CPNE4: variants seen among roughly 807,000 people sequenced by gnomAD.
CPNE4 encodes the protein copine-4.
In CPNE4, 25 loss-of-function variants were observed where a neutral mutation model predicts 67.9. The ratio of observed to expected loss-of-function variants is 0.37; its 90% CI spans 0.27 to 0.51. The LOEUF (loss-of-function observed/expected upper bound fraction) is 0.51, where lower values mean the gene tolerates loss of function less well. Ranked by LOEUF, CPNE4 falls within the 20% of genes least tolerant of loss-of-function variation. CPNE4 has a pLI of 0.93. For missense variants in CPNE4, 464 were observed against 690.8 expected (o/e 0.67, Z 3.68); for synonymous variants, 242 against 244.9 (o/e 0.99, Z 0.11).
chr3:131,823,337 A>T (rs1183057456), intron 2 of CPNE4, among the ~76,000 whole-genome samples: 1 of 152,188 alleles, frequency 6.6e-6, no homozygotes, highest in Non-Finnish European at 1.5e-5. Context: ...AGGTTAGCAA[A>T]TTGCCCAAGG....
At chr3:132,009,707 TTTC>T (rs1358227258) in intron 1 of CPNE4, among the ~76,000 whole-genome samples, 2 of 152,182 alleles carry the variant, frequency 1.3e-5, no homozygotes, top group African/African-American at 2.4e-5. Flanking sequence ...TATGCAGAGA[TTTC>T]TTCTTTAGTG....
chr3:131,825,616 G>A (rs1408167847), intron 2 of CPNE4, among the ~76,000 whole-genome samples: 1 of 152,114 alleles, frequency 6.6e-6, no homozygotes, highest in Non-Finnish European at 1.5e-5. Context: ...AAAAAGAGAA[G>A]GGTCGAGGAT....
intron 3 of CPNE4, among the ~76,000 whole-genome samples, chr3:131,713,130 T>TA (rs1351042613): frequency 2.6e-5 from 4 of 151,758 alleles, no homozygotes; most frequent in Non-Finnish European, 5.9e-5. Context: ...TGTAGCTGTT[T>TA]TTTTTTTAGC....
intron 2 of CPNE4, among the ~76,000 whole-genome samples, chr3:131,733,936 C>T (rs2082181623): frequency 6.6e-6 from 1 of 152,198 alleles, no homozygotes; most frequent in East Asian, 1.9e-4. Context: ...CAGCAGCCAG[C>T]AGATTGGGAA....
At position 131,560,887 on chromosome 3, in the gene CPNE4, C is replaced by T. The variant is rs559733770; in HGVS notation, c.1061+3329G>A. Reference sequence around the variant, plus strand: ...GGTATCGTCACATTTTAAGGCTTTTCGAATGGCTTCAATGTACAGCCAAGG... The same window carrying T: ...GGTATCGTCACATTTTAAGGCTTTTTGAATGGCTTCAATGTACAGCCAAGG... On this transcript the variant is annotated intron_variant, in intron 11 of 15. Transcript: ENST00000429747. Among the ~76,000 whole-genome samples, 64 of 152,100 alleles carry T rather than the reference C, an allele frequency of 4.2e-4. No homozygotes were observed. The South Asian group carries it at 0.012, about 28-fold the overall frequency.
chr3:131,614,503 GA>G (rs35633833), intron 7 of CPNE4, among the ~76,000 whole-genome samples: 3 of 152,130 alleles, frequency 2.0e-5, no homozygotes, highest in East Asian at 1.9e-4. Flanking sequence ...CTTGTGCCAG[GA>G]AAAAAAGTAG....
chr3:131,614,263 C>A (rs1036770347), intron 7 of CPNE4, among the ~76,000 whole-genome samples: 2 of 152,224 alleles, frequency 1.3e-5, no homozygotes, highest in Admixed American at 6.5e-5. Context: ...TGTTAGGAAA[C>A]ATACTATGTA....
chr3:131,629,062 C>A (rs2079153644), intron 7 of CPNE4, among the ~76,000 whole-genome samples: 2 of 152,146 alleles, frequency 1.3e-5, no homozygotes, highest in Non-Finnish European at 2.9e-5. Context: ...CCTCTACACA[C>A]TGCTTTAAAT....
At chr3:131,803,591 T>C (rs1406586598) in intron 2 of CPNE4, among the ~76,000 whole-genome samples, 1 of 152,228 alleles carries the variant, frequency 6.6e-6, no homozygotes, top group Non-Finnish European at 1.5e-5. Context: ...GTTCAAAAGA[T>C]ATTTTAAAAT....
At position 131,534,893 on chromosome 3, in the gene CPNE4, AC is replaced by A. The variant is rs1935046542; in HGVS notation, c.*301del. ...AAGAAATTTAGCAAAATTTCAACAA[AC>A]CTGTATAAAAAATGGATACAGATAC... On this transcript the variant is annotated 3_prime_UTR_variant, in exon 16 of 16. Transcript: ENST00000429747. 4.7e-6 allele frequency: 1 copy of A among 210,604 alleles called. No homozygotes were observed. The highest frequency in any genetic ancestry group is 5.6e-5 in the Admixed American group (1 of 17,722). 13.0% of individuals were successfully genotyped at this position (210,604 alleles called of 1,614,324 possible).
intron 2 of CPNE4, among the ~76,000 whole-genome samples, chr3:131,864,247 T>G (rs111405475): frequency 0.052 from 7,503 of 144,964 alleles, 281 homozygotes; most frequent in East Asian, 0.12. Flanking sequence ...GTGAAGAAAG[T>G]CATTGGTAGC....
chr3:131,779,161 A>G (rs2083368787), intron 2 of CPNE4, among the ~76,000 whole-genome samples: 1 of 152,040 alleles, frequency 6.6e-6, no homozygotes, highest in Non-Finnish European at 1.5e-5. Context: ...GAGAATTATA[A>G]AACACTGCTG....
chr3:131,942,485 A>T (rs879520144), intron 1 of CPNE4, among the ~76,000 whole-genome samples: 18,399 of 137,216 alleles, frequency 0.13, 1,117 homozygotes, highest in African/African-American at 0.2. Context: ...AGAGAGAGAG[A>T]GAGAGAGAGA....
chr3:131,968,688 TA>T (rs1330904370), intron 1 of CPNE4, among the ~76,000 whole-genome samples: 3 of 152,154 alleles, frequency 2.0e-5, no homozygotes, highest in Non-Finnish European at 4.4e-5. Flanking sequence ...TGGCAATCAT[TA>T]AAAAGTCAGG....
At chr3:131,704,067 G>T (rs975218626) in intron 3 of CPNE4, among the ~76,000 whole-genome samples, 1 of 152,144 alleles carries the variant, frequency 6.6e-6, no homozygotes, top group African/African-American at 2.4e-5. Context: ...TTTGGCCTGA[G>T]ATTTCTTTGG....
chr3:131,625,569 G>GA (rs201209690), intron 7 of CPNE4, among the ~76,000 whole-genome samples: 1,659 of 152,022 alleles, frequency 0.011, 40 homozygotes, highest in African/African-American at 0.038. Flanking sequence ...CTAGAGACAG[G>GA]AAAAAAAATC....
intron 14 of CPNE4, among the ~76,000 whole-genome samples, chr3:131,545,433 C>T (rs1363780621): frequency 1.3e-5 from 2 of 152,114 alleles, no homozygotes; most frequent in African/African-American, 4.8e-5. Context: ...TTTCACTAAT[C>T]TCTAAGTAAA....
chr3:132,027,188 T>C (rs994702847), intron 1 of CPNE4, among the ~76,000 whole-genome samples: 2 of 151,964 alleles, frequency 1.3e-5, no homozygotes, highest in African/African-American at 2.4e-5. Flanking sequence ...AAGCATGAAG[T>C]GGAGAGGAGA....
At chr3:131,708,972 A>C (rs2081488203) in intron 3 of CPNE4, among the ~76,000 whole-genome samples, 1 of 90,028 alleles carries the variant, frequency 1.1e-5, no homozygotes, top group African/African-American at 4.8e-5. Context: ...ATATATATAT[A>C]TATATATATA....
Sources: allele counts gnomAD v4.1 joint callset (sites outside exome capture counted in the v4.1 genomes callset), GRCh38; gene constraint gnomAD v4.1.1; transcripts MANE v1.5; gene names NCBI Gene and HGNC (gene_info 2026-07-23, HGNC 2026-07-21).